LINGO2: variants seen among roughly 807,000 people sequenced by gnomAD.
The protein encoded by LINGO2 is leucine rich repeat and Ig domain containing 2, also known as leucine-rich repeat and immunoglobulin-like domain-containing nogo receptor-interacting protein 2.
LINGO2 carries 14 observed loss-of-function variants against 30.6 expected under a neutral mutation model. The observed-to-expected ratio is 0.46, with a 90% CI of 0.30 to 0.72. The LOEUF (loss-of-function observed/expected upper bound fraction) is 0.72, where lower values mean the gene tolerates loss of function less well. LINGO2 is among the 30% of genes least tolerant of loss of function. The pLI is 0.07. For synonymous variants in LINGO2, 317 were observed against 288.5 expected, an observed-to-expected ratio of 1.10 and a Z score of -1.00; for missense variants, 729 against 751.7, an observed-to-expected ratio of 0.97 and a Z score of 0.35.
intron 4 of LINGO2, among the ~76,000 whole-genome samples, chr9:28,194,225 C>G (rs1819927831): frequency 1.3e-5 from 2 of 151,820 alleles, no homozygotes; most frequent in Admixed American, 1.3e-4. Flanking sequence ...AAATACATAA[C>G]AAAACAATAG....
chr9:28,227,605 C>T (rs1471419864), intron 4 of LINGO2, among the ~76,000 whole-genome samples: 1 of 148,768 alleles, frequency 6.7e-6, no homozygotes. Context: ...AAACTACATA[C>T]ACAAGTAACA....
chr9:28,286,205 A>C lies in LINGO2; in HGVS notation c.-87+9003T>G, dbSNP rs546022856. On this transcript the variant is annotated intron_variant, in intron 4 of 5. Coordinates refer to ENST00000379992, the Ensembl canonical transcript of LINGO2. ...TATCTGACAATGGACAGAATGAACTAATTACCAACTGGTCTGACCAACAAG... is the reference window on the plus strand; with the variant it reads ...TATCTGACAATGGACAGAATGAACTCATTACCAACTGGTCTGACCAACAAG... 3.3e-5 allele frequency among the ~76,000 whole-genome samples: 5 copies of C among 152,218 alleles called. No individual in the cohort carries two copies. The South Asian group carries it at 1.0e-3, about 32-fold the overall frequency.
At chr9:28,695,112 C>A in the LINGO2 span, among the ~76,000 whole-genome samples, 3 of 151,814 alleles carry the variant, frequency 2.0e-5, no homozygotes, top group Non-Finnish European at 4.4e-5. Context: ...GAAAACATTT[C>A]AATTTGTCAT....
intron 4 of LINGO2, among the ~76,000 whole-genome samples, chr9:28,203,668 C>T (rs751097068): frequency 3.9e-5 from 6 of 151,952 alleles, no homozygotes; most frequent in Non-Finnish European, 7.4e-5. Flanking sequence ...AGAAAAATGC[C>T]ATATCATACA....
At chr9:28,269,918 GA>G (rs1174735358) in intron 4 of LINGO2, among the ~76,000 whole-genome samples, 1 of 152,086 alleles carries the variant, frequency 6.6e-6, no homozygotes, top group Non-Finnish European at 1.5e-5. Context: ...CAGAAGACAG[GA>G]AGGTCAATAA....
intron 1 of LINGO2, among the ~76,000 whole-genome samples, chr9:28,489,872 T>G (rs141931532): frequency 0.051 from 6,120 of 120,344 alleles, 343 homozygotes; most frequent in African/African-American, 0.15. Flanking sequence ...CACTCCAGCC[T>G]GGAAACAGAG....
chr9:28,873,075 T>C, the LINGO2 span, among the ~76,000 whole-genome samples: 1 of 152,088 alleles, frequency 6.6e-6, no homozygotes, highest in Non-Finnish European at 1.5e-5. Flanking sequence ...CATTCTCTAC[T>C]AGTAAGAAAA....
intron 1 of LINGO2, among the ~76,000 whole-genome samples, chr9:28,585,799 AT>A (rs1028106741): frequency 6.6e-6 from 1 of 152,152 alleles, no homozygotes; most frequent in Admixed American, 6.6e-5. Flanking sequence ...ATCTGTTCTT[AT>A]TTTTGTTGTT....
intron 4 of LINGO2, among the ~76,000 whole-genome samples, chr9:28,104,955 A>G (rs1005539381): frequency 2.0e-5 from 3 of 152,158 alleles, no homozygotes; most frequent in African/African-American, 7.2e-5. Flanking sequence ...TGCTGGGCTC[A>G]CTATATAACA....
At chr9:29,078,083 C>T in the LINGO2 span, among the ~76,000 whole-genome samples, 1 of 151,912 alleles carries the variant, frequency 6.6e-6, no homozygotes, top group South Asian at 2.1e-4. Context: ...ATATACTTAA[C>T]TGATGATTAT....
At position 28,117,437 on chromosome 9, in the gene LINGO2, A is replaced by G. The variant is rs1190157357; in HGVS notation, c.-86-105032T>C. Among the ~76,000 whole-genome samples, 53 of 108,288 alleles carry G rather than the reference A, an allele frequency of 4.9e-4. 1 individual carries two copies. The highest frequency in any genetic ancestry group is 1.5e-3 in the South Asian group (4 of 2,676). The allele number at this position is 108,288 out of a possible 152,430, so 71.0% of individuals were successfully genotyped here. ...GCCTCCTTGAGCTGTGGTGGGCTCC[A>G]CCCAGTTCGAGCTTCCCGGCTGCTT... On this transcript the variant is annotated intron_variant, in intron 4 of 5. Transcript: ENST00000379992.
At chr9:28,929,879 A>G in the LINGO2 span, among the ~76,000 whole-genome samples, 1 of 152,198 alleles carries the variant, frequency 6.6e-6, no homozygotes, top group South Asian at 2.1e-4. Context: ...TGCTTGGAAA[A>G]AATTAATGGA....
Position 28,150,846 on chromosome 9 carries a change from G to A in LINGO2, c.-86-138441C>T, listed in dbSNP as rs113019093. ...TGCTCCGTGGCGGTCGCCATAGTTA[G>A]TCGCTTCCTAAGTGGTAAAAATCTT... On this transcript the variant is annotated intron_variant, in intron 4 of 5. Coordinates refer to ENST00000379992, the Ensembl canonical transcript of LINGO2. 9.0e-3 allele frequency among the ~76,000 whole-genome samples: 1,377 copies of A among 152,296 alleles called. 21 individuals carry two copies. The highest frequency in any genetic ancestry group is 0.023 in the African/African-American group (967 of 41,560).
the LINGO2 span, among the ~76,000 whole-genome samples, chr9:29,033,808 C>T: frequency 2.6e-3 from 391 of 152,130 alleles, no homozygotes; most frequent in Non-Finnish European, 4.4e-3. Context: ...TGCCACTTCG[C>T]ATGTCAGAAA....
At chr9:27,937,978 G>A in the LINGO2 span, 2 of 152,132 alleles carry the variant, frequency 1.3e-5, no homozygotes, top group African/African-American at 4.8e-5. Flanking sequence ...GAAAGCTGGG[G>A]AGTCAGACTG....
At chr9:28,874,010 G>C in the LINGO2 span, among the ~76,000 whole-genome samples, 1 of 151,806 alleles carries the variant, frequency 6.6e-6, no homozygotes, top group Non-Finnish European at 1.5e-5. Context: ...TAATGTAATG[G>C]CTGAGGAAGA....
the LINGO2 span, among the ~76,000 whole-genome samples, chr9:28,898,005 T>C: frequency 4.9e-4 from 74 of 152,200 alleles, 1 homozygote; most frequent in Admixed American, 1.2e-3. Flanking sequence ...GGACAAAGGA[T>C]TCTGTCAATG....
intron 4 of LINGO2, among the ~76,000 whole-genome samples, chr9:28,083,752 C>A (rs978754633): frequency 6.6e-6 from 1 of 152,058 alleles, no homozygotes; most frequent in African/African-American, 2.4e-5. Flanking sequence ...GAATTTATAA[C>A]CTTCAGAAGG....
At chr9:28,991,671 C>A in the LINGO2 span, among the ~76,000 whole-genome samples, 1 of 150,804 alleles carries the variant, frequency 6.6e-6, no homozygotes, top group Non-Finnish European at 1.5e-5. Flanking sequence ...GATCTCTCGG[C>A]AGAAACTCTA....
Sources: allele counts gnomAD v4.1 joint callset (sites outside exome capture counted in the v4.1 genomes callset), GRCh38; gene constraint gnomAD v4.1.1; transcripts MANE v1.5; gene names NCBI Gene and HGNC (gene_info 2026-07-23, HGNC 2026-07-21).